The following TMEM209 variants were observed in gnomAD, a reference collection of about 807,000 sequenced individuals.
The protein encoded by TMEM209 is testicular tissue protein Li 202.
In TMEM209, 65 loss-of-function variants were observed where a neutral mutation model predicts 76.2. That is an observed-to-expected ratio of 0.85 (90% CI 0.70 to 1.05). The LOEUF (loss-of-function observed/expected upper bound fraction) is 1.05, where lower values mean the gene tolerates loss of function less well. TMEM209 is among the 50% of genes least tolerant of loss of function. The pLI, the probability that TMEM209 is intolerant of heterozygous loss-of-function variation, is 0.00. For synonymous variants in TMEM209, 239 were observed against 237.6 expected (o/e 1.01, Z -0.06); for missense variants, 623 against 685.5 (o/e 0.91, Z 1.02).
chr7:130,193,405 G>T (rs1162732053), intron 5 of TMEM209, among the ~76,000 whole-genome samples: 1 of 152,234 alleles, frequency 6.6e-6, no homozygotes, highest in African/African-American at 2.4e-5. Flanking sequence ...GGGCGTGGTG[G>T]TGCATGCCTA....
At chr7:130,170,856 T>G in intron 13 of TMEM209, among the ~76,000 whole-genome samples, 1 of 148,290 alleles carries the variant, frequency 6.7e-6, no homozygotes, top group African/African-American at 2.5e-5. Flanking sequence ...TGAGATGGAG[T>G]CTCGCTGTGT....
chr7:130,202,097 A>AG lies in TMEM209; in HGVS notation c.332-7dup. 6.3e-7 allele frequency: 1 copy of AG among 1,598,816 alleles called. No homozygotes were observed. Among genetic ancestry groups the AG allele is most frequent in the Non-Finnish European group, 8.5e-7 (1 of 1,171,890 alleles). ...TGGAGGCGTAGTCTGTACAACTAGA[A>AG]GGAAAAAAAAAGCAACATATGTGTA... is the stretch of plus-strand genomic sequence containing the variant. On this transcript the variant is annotated splice_region_variant and splice_polypyrimidine_tract_variant and intron_variant, in intron 4 of 14. Coordinates refer to ENST00000397622, the MANE Select transcript of TMEM209 (RefSeq NM_032842.4).
intron 13 of TMEM209, among the ~76,000 whole-genome samples, chr7:130,173,329 T>G (rs1797134325): frequency 6.6e-6 from 1 of 152,066 alleles, no homozygotes; most frequent in Admixed American, 6.6e-5. Flanking sequence ...GTGACAGAGC[T>G]AGACTCTGCC....
chr7:130,199,632 A>T (rs1037262149), intron 5 of TMEM209, among the ~76,000 whole-genome samples: 1 of 152,208 alleles, frequency 6.6e-6, no homozygotes, highest in Admixed American at 6.5e-5. Flanking sequence ...TCTAACTTAT[A>T]AATACAAAGA....
intron 6 of TMEM209, among the ~76,000 whole-genome samples, chr7:130,191,677 C>A (rs1381483116): frequency 6.6e-6 from 1 of 151,984 alleles, no homozygotes; most frequent in Non-Finnish European, 1.5e-5. Flanking sequence ...AAAGCAACAC[C>A]AATAACACTT....
At chr7:130,202,472 A>G in intron 4 of TMEM209, 60 bp downstream of exon 4, 2 of 1,547,194 alleles carry the variant, frequency 1.3e-6, no homozygotes, top group Non-Finnish European at 1.7e-6. Flanking sequence ...GGAAAATTAA[A>G]CTGAGAAAGA....
rs6969919 is a variant in TMEM209, at chr7:130,192,389, C to G, written c.775+233G>C. ...AATAGAAATTGTAACTTACATTATACGAAAAAGCTTTCAATCTTATTGTAG... is the reference window on the plus strand; with the variant it reads ...AATAGAAATTGTAACTTACATTATAGGAAAAAGCTTTCAATCTTATTGTAG... On this transcript the variant is annotated intron_variant, in intron 6 of 14. Transcript: ENST00000397622. 4.5e-3 allele frequency: 2,158 copies of G among 480,312 alleles called. 51 individuals are homozygous for G. Among genetic ancestry groups the G allele is most frequent in the African/African-American group, 0.038 (1,981 of 51,656 alleles). The allele number at this position is 480,312 out of a possible 1,614,324, so 29.8% of individuals were successfully genotyped here. A position where few individuals can be genotyped will look rare whatever the true frequency, so the allele number is the denominator to read the frequency against.
rs1797551651 is a variant in TMEM209, at chr7:130,185,115, A to T, written c.951+77T>A. On this transcript the variant is annotated intron_variant, in intron 7 of 14. Coordinates refer to ENST00000397622, the MANE Select transcript of TMEM209 (RefSeq NM_032842.4). Reference sequence around the variant, plus strand: ...GTCCAACAGAATGGAAGATTACAGAAAAAATGTTCCAGAAGTAGAAGACTT... The same window carrying T: ...GTCCAACAGAATGGAAGATTACAGATAAAATGTTCCAGAAGTAGAAGACTT... The T allele has an allele frequency of 2.0e-6, 3 of 1,464,102 alleles. No individual in the cohort carries two copies. The African/African-American group carries it at 4.2e-5, about 21-fold the overall frequency. 90.7% of individuals were successfully genotyped at this position (1,464,102 alleles called of 1,614,324 possible). A position where few individuals can be genotyped will look rare whatever the true frequency, so the allele number is the denominator to read the frequency against.
intron 3 of TMEM209, among the ~76,000 whole-genome samples, chr7:130,202,982 G>A (rs1798273259): frequency 6.6e-6 from 1 of 151,930 alleles, no homozygotes; most frequent in Non-Finnish European, 1.5e-5. Flanking sequence ...TCAGCTACTT[G>A]GGAGGCTGAG....
chr7:130,202,734 T>C (rs986527180), intron 3 of TMEM209, 71 bp from the exon 4 acceptor site: 14 of 1,466,660 alleles, frequency 9.5e-6, no homozygotes, highest in African/African-American at 1.4e-5. Flanking sequence ...AAAAACCCTC[T>C]ATACTTAGCA....
chr7:130,202,124 G>GT (rs1312092940), intron 4 of TMEM209, 33 bp from the exon 5 acceptor site: 3 of 1,562,076 alleles, frequency 1.9e-6, no homozygotes, highest in Non-Finnish European at 2.6e-6. Flanking sequence ...ATATGTGTAT[G>GT]TACCTTCAAA....
intron 4 of TMEM209, 80 bp from the exon 5 acceptor site, chr7:130,202,171 T>C (rs1798233258): frequency 6.7e-7 from 1 of 1,492,578 alleles, no homozygotes; most frequent in African/African-American, 1.4e-5. Context: ...CAACTAAGTC[T>C]TTCTCTTAAG....
chr7:130,186,207 T>C (rs1255441680), intron 6 of TMEM209, among the ~76,000 whole-genome samples: 1 of 152,212 alleles, frequency 6.6e-6, no homozygotes, highest in African/African-American at 2.4e-5. Flanking sequence ...ACAAAACTTA[T>C]AAATAGAAAC....
At chr7:130,204,237 T>C (rs1030376567) in intron 1 of TMEM209, 127 bp from the exon 2 acceptor site, 50 of 1,084,080 alleles carry the variant, frequency 4.6e-5, no homozygotes, top group Non-Finnish European at 5.8e-5. Context: ...TAAAATGTTT[T>C]ATCAAAACTT....
intron 9 of TMEM209, among the ~76,000 whole-genome samples, chr7:130,180,926 G>A (rs2116990696): frequency 6.6e-6 from 1 of 152,310 alleles, no homozygotes; most frequent in East Asian, 1.9e-4. Flanking sequence ...GTTAGTCAGA[G>A]TTACCATACA....
chr7:130,168,638 T>G (rs1196950758), intron 14 of TMEM209, among the ~76,000 whole-genome samples: 1 of 152,210 alleles, frequency 6.6e-6, no homozygotes, highest in East Asian at 1.9e-4. Context: ...CATAAAGTAC[T>G]ATGTTTGGAT....
At chr7:130,200,662 T>C (rs1300963974) in intron 5 of TMEM209, among the ~76,000 whole-genome samples, 3 of 152,174 alleles carry the variant, frequency 2.0e-5, no homozygotes, top group African/African-American at 7.2e-5. Context: ...TATAGTATCA[T>C]CTTGTGAAAA....
rs1437267957 is a variant in TMEM209 at position 130,173,916 on chromosome 7, G to C, written c.1368C>G (p.Thr456=). 1.9e-6 allele frequency: 3 copies of C among 1,613,102 alleles called. No homozygotes were observed. Among genetic ancestry groups the C allele is most frequent in the South Asian group, 1.1e-5 (1 of 91,036 alleles). ...DSAIIMHVFC[T]YLDSRLPPHP... ...GTGGAGGTAATCTGGAATCAAGGTA[G>C]GTGCAAAATACATGCATGATGATCT... The change falls in exon 12 of 15, where the codon ACC becomes ACG. Residue 456 remains threonine (T), a synonymous_variant. Coordinates refer to ENST00000397622, the MANE Select transcript of TMEM209 (RefSeq NM_032842.4).
chr7:130,201,505 C>CTT (rs1476968393), intron 5 of TMEM209, among the ~76,000 whole-genome samples: 1 of 151,710 alleles, frequency 6.6e-6, no homozygotes. Flanking sequence ...CACTAAAACT[C>CTT]TAAAAAGGTA....
Sources: allele counts gnomAD v4.1 joint callset (sites outside exome capture counted in the v4.1 genomes callset), GRCh38; gene constraint gnomAD v4.1.1; transcripts MANE v1.5; gene names NCBI Gene and HGNC (gene_info 2026-07-23, HGNC 2026-07-21).